NCKAP5: variants seen among roughly 807,000 people sequenced by gnomAD.
NCKAP5 encodes the protein NCK associated protein 5, also known as nck-associated protein 5.
In NCKAP5, 92 loss-of-function variants were observed where a neutral mutation model predicts 167.0. That is an observed-to-expected ratio of 0.55 (90% confidence interval 0.47 to 0.66). The LOEUF (loss-of-function observed/expected upper bound fraction) is 0.66, where lower values mean the gene tolerates loss of function less well. Among genes scored for constraint, NCKAP5 ranks in the 30% least tolerant of loss-of-function variants. The pLI is 0.00. For synonymous variants in NCKAP5, 891 were observed against 877.4 expected (o/e 1.02, Z -0.27); for missense variants, 2,378 against 2,315.0 (o/e 1.03, Z -0.56).
At chr2:132,943,338 A>T (rs968693380) in intron 8 of NCKAP5, among the ~76,000 whole-genome samples, 2 of 152,260 alleles carry the variant, frequency 1.3e-5, no homozygotes, top group African/African-American at 2.4e-5. Flanking sequence ...TATCAATTTG[A>T]ATATAGTCCA....
chr2:133,319,282 G>T (rs1477727503), intron 3 of NCKAP5, among the ~76,000 whole-genome samples: 2 of 152,032 alleles, frequency 1.3e-5, no homozygotes, highest in African/African-American at 4.8e-5. Context: ...AGGGTAGAGG[G>T]CTGGGAAATC....
At chr2:133,514,611 T>C (rs1276395082) in intron 3 of NCKAP5, among the ~76,000 whole-genome samples, 1 of 152,236 alleles carries the variant, frequency 6.6e-6, no homozygotes, top group African/African-American at 2.4e-5. Flanking sequence ...AATATTTTCC[T>C]GTAAAATCTG....
chr2:133,165,944 G>GT (rs2083982796), intron 5 of NCKAP5, among the ~76,000 whole-genome samples: 1 of 152,166 alleles, frequency 6.6e-6, no homozygotes, highest in African/African-American at 2.4e-5. Context: ...GTCAACCAAT[G>GT]TTTGAGTGCC....
chr2:133,545,009 T>C (rs996707797), intron 2 of NCKAP5, among the ~76,000 whole-genome samples: 5 of 152,128 alleles, frequency 3.3e-5, no homozygotes, highest in Non-Finnish European at 5.9e-5. Context: ...TAGTTCTCCA[T>C]AGTTTTGAAA....
At chr2:133,249,068 C>T (rs1369797101) in intron 4 of NCKAP5, among the ~76,000 whole-genome samples, 7 of 152,160 alleles carry the variant, frequency 4.6e-5, no homozygotes, top group Non-Finnish European at 1.0e-4. Context: ...CCCCATCCCA[C>T]TACCTGAATC....
chr2:132,836,755 G>A (rs1687916884), intron 11 of NCKAP5, among the ~76,000 whole-genome samples: 1 of 152,054 alleles, frequency 6.6e-6, no homozygotes, highest in Admixed American at 6.5e-5. Flanking sequence ...ATACTATAAA[G>A]CTTATTTTCC....
intron 6 of NCKAP5, among the ~76,000 whole-genome samples, chr2:133,050,928 C>T (rs116599642): frequency 2.0e-5 from 3 of 152,244 alleles, no homozygotes; most frequent in East Asian, 1.9e-4. Flanking sequence ...GAAGTATATG[C>T]GCGACTGAAC....
At chr2:133,140,549 T>C (rs2082958555) in intron 5 of NCKAP5, among the ~76,000 whole-genome samples, 1 of 152,144 alleles carries the variant, frequency 6.6e-6, no homozygotes. Flanking sequence ...GAACTTCAGC[T>C]ATATTTACTA....
At chr2:132,708,388 C>T (rs1573945079) in intron 19 of NCKAP5, among the ~76,000 whole-genome samples, 2 of 151,988 alleles carry the variant, frequency 1.3e-5, no homozygotes, top group East Asian at 1.9e-4. Flanking sequence ...AGCCAGTGGG[C>T]CCTGAGTGAA....
intron 1 of NCKAP5, among the ~76,000 whole-genome samples, chr2:133,567,360 G>C (rs1001779759): frequency 6.6e-6 from 1 of 152,148 alleles, no homozygotes; most frequent in Non-Finnish European, 1.5e-5. Flanking sequence ...AGAGGTTCCT[G>C]TCCAGGCTGG....
At chr2:133,129,709 C>G (rs2082532258) in intron 6 of NCKAP5, among the ~76,000 whole-genome samples, 1 of 152,190 alleles carries the variant, frequency 6.6e-6, no homozygotes, top group South Asian at 2.1e-4. Context: ...TGCAAAGCCA[C>G]CACAACTCAC....
At chr2:133,300,618 G>C (rs1165588746) in intron 4 of NCKAP5, among the ~76,000 whole-genome samples, 3 of 136,430 alleles carry the variant, frequency 2.2e-5, no homozygotes, top group Admixed American at 1.4e-4. Context: ...AGGTATTGAT[G>C]GGACGTATTT....
At chr2:132,724,154 G>A (rs998060846) in intron 19 of NCKAP5, among the ~76,000 whole-genome samples, 8 of 152,032 alleles carry the variant, frequency 5.3e-5, no homozygotes, top group East Asian at 1.9e-4. Flanking sequence ...CTCAAAAGTC[G>A]CTTTCTTGGT....
At chr2:132,739,018 TC>T (rs1691784226) in intron 16 of NCKAP5, among the ~76,000 whole-genome samples, 1 of 152,208 alleles carries the variant, frequency 6.6e-6, no homozygotes, top group South Asian at 2.1e-4. Flanking sequence ...AAACTATGCT[TC>T]TTCCAAACTT....
chr2:133,613,605 A>C, the NCKAP5 span, among the ~76,000 whole-genome samples: 2 of 152,188 alleles, frequency 1.3e-5, no homozygotes, highest in African/African-American at 2.4e-5. Flanking sequence ...CTGGGATTTG[A>C]CATCAACCAT....
intron 6 of NCKAP5, among the ~76,000 whole-genome samples, chr2:133,034,937 G>T (rs946686542): frequency 6.6e-6 from 1 of 151,932 alleles, no homozygotes; most frequent in Non-Finnish European, 1.5e-5. Flanking sequence ...CAATGTAAAT[G>T]TACTATACTC....
At chr2:133,551,033 AC>A (rs1404275941) in intron 2 of NCKAP5, among the ~76,000 whole-genome samples, 1 of 151,956 alleles carries the variant, frequency 6.6e-6, no homozygotes, top group African/African-American at 2.4e-5. Context: ...AATCCAACTT[AC>A]AAGGGATGTG....
chr2:132,714,566 C>G (rs1689172998), intron 19 of NCKAP5, among the ~76,000 whole-genome samples: 1 of 152,030 alleles, frequency 6.6e-6, no homozygotes, highest in South Asian at 2.1e-4. Context: ...GCCTGTAATC[C>G]CAGCACTTTG....
intron 3 of NCKAP5, among the ~76,000 whole-genome samples, chr2:133,442,131 C>T (rs1359935002): frequency 6.6e-6 from 1 of 152,044 alleles, no homozygotes; most frequent in Non-Finnish European, 1.5e-5. Flanking sequence ...ACCCCCGGAA[C>T]TTAAAGGATG....
Sources: gnomAD v4.1 joint callset for allele counts (sites outside exome capture counted in the v4.1 genomes callset) on GRCh38, gnomAD v4.1.1 for gene constraint, MANE v1.5 for transcripts, NCBI Gene and HGNC (gene_info 2026-07-23, HGNC 2026-07-21) for gene names.